The following INPP4B variants were observed in gnomAD, a reference collection of about 807,000 sequenced individuals.
The protein encoded by INPP4B is inositol polyphosphate-4-phosphatase type II B, also known as inositol polyphosphate 4-phosphatase type II.
INPP4B carries 55 observed loss-of-function variants against 122.5 expected under a neutral mutation model. The observed-to-expected ratio is 0.45, with a 90% CI of 0.36 to 0.56. The LOEUF is 0.56. INPP4B is among the 20% of genes least tolerant of loss of function. INPP4B has a pLI of 0.00. For synonymous variants in INPP4B, 403 were observed against 388.7 expected, an observed-to-expected ratio of 1.04 and a Z score of -0.43; for missense variants, 1,000 against 1,097.7, an observed-to-expected ratio of 0.91 and a Z score of 1.26.
At chr4:142,516,656 C>G (rs1408607512) in intron 2 of INPP4B, among the ~76,000 whole-genome samples, 2 of 152,124 alleles carry the variant, frequency 1.3e-5, no homozygotes, top group Non-Finnish European at 2.9e-5. Flanking sequence ...TTGGTATCTT[C>G]CTTTTGTCCC....
At chr4:142,307,101 G>A (rs72722493) in intron 8 of INPP4B, among the ~76,000 whole-genome samples, 1,738 of 152,296 alleles carry the variant, frequency 0.011, 20 homozygotes, top group Non-Finnish European at 0.02. Flanking sequence ...TGATAGGACC[G>A]TGAGTGATGA....
chr4:142,217,268 G>A (rs1847676257), intron 12 of INPP4B, among the ~76,000 whole-genome samples: 1 of 152,136 alleles, frequency 6.6e-6, no homozygotes, highest in African/African-American at 2.4e-5. Context: ...TATATTCAAG[G>A]AGGGATTTCC....
intron 1 of INPP4B, among the ~76,000 whole-genome samples, chr4:142,728,202 A>G (rs1409585002): frequency 3.9e-5 from 6 of 152,206 alleles, no homozygotes; most frequent in Admixed American, 3.9e-4. Flanking sequence ...ATAAAGTGGC[A>G]TTTCTAATAG....
intron 23 of INPP4B, among the ~76,000 whole-genome samples, chr4:142,088,787 T>A (rs1018073154): frequency 6.6e-6 from 1 of 152,202 alleles, no homozygotes; most frequent in African/African-American, 2.4e-5. Flanking sequence ...AACAGTTCAT[T>A]ATATCCTGAA....
At chr4:142,362,707 C>T (rs1425901717) in intron 7 of INPP4B, among the ~76,000 whole-genome samples, 1 of 151,842 alleles carries the variant, frequency 6.6e-6, no homozygotes, top group East Asian at 1.9e-4. Context: ...CAGTTGGAGG[C>T]CATTATCCCA....
intron 2 of INPP4B, among the ~76,000 whole-genome samples, chr4:142,588,997 A>G (rs1680885101): frequency 6.6e-6 from 1 of 152,010 alleles, no homozygotes; most frequent in Admixed American, 6.6e-5. Context: ...AAGAGTAGAA[A>G]AAAAATGGAA....
rs3049117 is a variant in INPP4B at position 142,366,334 on chromosome 4, C to CA, written c.372+36603dup. On this transcript the variant is annotated intron_variant, in intron 7 of 25. Transcript: ENST00000262992. ...GTGAAATAAACAGCCTTGTTGCTCA[C>CA]AAAAAAAAAAAAGTGTTTTCTCACA... Among the ~76,000 whole-genome samples the CA allele has an allele frequency of 2.9e-3, 421 of 144,588 alleles. 3 individuals carry two copies. The highest frequency in any genetic ancestry group is 4.6e-3 in the African/African-American group (178 of 38,350). 94.9% of individuals were successfully genotyped at this position (144,588 alleles called of 152,430 possible). A position where few individuals can be genotyped will look rare whatever the true frequency, so the allele number is the denominator to read the frequency against.
chr4:142,165,648 T>C (rs1045429470), intron 16 of INPP4B, among the ~76,000 whole-genome samples: 1 of 151,796 alleles, frequency 6.6e-6, no homozygotes. Context: ...TGTATTGTTA[T>C]AAAGATGACC....
chr4:142,699,265 T>C (rs976681157), intron 2 of INPP4B, among the ~76,000 whole-genome samples: 46 of 152,316 alleles, frequency 3.0e-4, no homozygotes, highest in African/African-American at 1.1e-3. Flanking sequence ...GCTTGGCCCC[T>C]GACATCTACA....
chr4:142,834,707 C>T (rs1782569655), intron 1 of INPP4B, among the ~76,000 whole-genome samples: 1 of 152,148 alleles, frequency 6.6e-6, no homozygotes, highest in Admixed American at 6.6e-5. Context: ...AATCCCATTG[C>T]AATGTTTTTG....
intron 11 of INPP4B, among the ~76,000 whole-genome samples, chr4:142,244,819 G>C (rs112135343): frequency 1.3e-5 from 2 of 152,124 alleles, no homozygotes; most frequent in Non-Finnish European, 1.5e-5. Context: ...CTTCTAAAAT[G>C]GTTGAACTAA....
intron 12 of INPP4B, among the ~76,000 whole-genome samples, chr4:142,227,146 G>A (rs1270173829): frequency 6.6e-6 from 1 of 152,150 alleles, no homozygotes; most frequent in Non-Finnish European, 1.5e-5. Context: ...AGGGAAAATG[G>A]AGTGGGAGAG....
chr4:142,580,184 G>A (rs1027559313), intron 2 of INPP4B, among the ~76,000 whole-genome samples: 6 of 151,682 alleles, frequency 4.0e-5, no homozygotes, highest in Admixed American at 2.6e-4. Flanking sequence ...AGGACTAGAA[G>A]ACTGGGTGGG....
intron 7 of INPP4B, among the ~76,000 whole-genome samples, chr4:142,346,002 C>T (rs1232354507): frequency 2.6e-5 from 4 of 151,964 alleles, no homozygotes; most frequent in African/African-American, 9.7e-5. Flanking sequence ...CTGATATAAA[C>T]AGGCAGTTGC....
At chr4:142,311,667 G>C (rs1424942941) in intron 8 of INPP4B, among the ~76,000 whole-genome samples, 3 of 152,104 alleles carry the variant, frequency 2.0e-5, no homozygotes, top group Non-Finnish European at 4.4e-5. Flanking sequence ...ATTACTAATA[G>C]CACCTCAGTT....
At chr4:142,564,004 T>C (rs1022717315) in intron 2 of INPP4B, among the ~76,000 whole-genome samples, 1 of 152,212 alleles carries the variant, frequency 6.6e-6, no homozygotes, top group Non-Finnish European at 1.5e-5. Context: ...CACGGATTTA[T>C]GAGCCAAACA....
At chr4:142,268,570 A>T (rs982943860) in intron 10 of INPP4B, among the ~76,000 whole-genome samples, 2 of 152,030 alleles carry the variant, frequency 1.3e-5, no homozygotes, top group African/African-American at 4.8e-5. Context: ...TCACTGCAAC[A>T]TTACTCACAA....
chr4:142,727,237 T>C (rs1011679365), intron 1 of INPP4B, among the ~76,000 whole-genome samples: 6 of 152,312 alleles, frequency 3.9e-5, no homozygotes, highest in African/African-American at 1.2e-4. Flanking sequence ...GTGGTTCCCC[T>C]TGATTTTGCT....
intron 7 of INPP4B, among the ~76,000 whole-genome samples, chr4:142,328,490 AG>A (rs2151501822): frequency 6.6e-6 from 1 of 152,326 alleles, no homozygotes; most frequent in Admixed American, 6.5e-5. Context: ...ACCAGTGTAC[AG>A]TGGAGTTTTC....
Sources: gnomAD v4.1 joint callset for allele counts (sites outside exome capture counted in the v4.1 genomes callset) on GRCh38, gnomAD v4.1.1 for gene constraint, MANE v1.5 for transcripts, NCBI Gene and HGNC (gene_info 2026-07-23, HGNC 2026-07-21) for gene names.